AKT3: variants seen among roughly 807,000 people sequenced by gnomAD.
AKT3 encodes AKT serine/threonine kinase 3, also known as RAC-gamma serine/threonine-protein kinase.
Under a neutral mutation model 65.3 loss-of-function variants are expected in AKT3, and 15 were observed. The ratio of observed to expected loss-of-function variants is 0.23; its 90% CI spans 0.15 to 0.35. The LOEUF (loss-of-function observed/expected upper bound fraction) is 0.35. Ranked by LOEUF, AKT3 falls within the 10% of genes least tolerant of loss-of-function variation. The pLI is 1.00. For synonymous variants in AKT3, 206 were observed against 183.8 expected (o/e 1.12, Z -0.98); for missense variants, 243 against 576.5 (o/e 0.42, Z 5.92).
chr1:243,692,501 G>C (rs1391166227), intron 3 of AKT3, among the ~76,000 whole-genome samples: 3 of 152,022 alleles, frequency 2.0e-5, no homozygotes, highest in Non-Finnish European at 4.4e-5. Flanking sequence ...GGGAGGCTAA[G>C]GCAGGTGGAT....
At chr1:243,528,233 T>C (rs1450957248) in intron 12 of AKT3, among the ~76,000 whole-genome samples, 2 of 152,228 alleles carry the variant, frequency 1.3e-5, no homozygotes, top group Non-Finnish European at 2.9e-5. Context: ...CACTCCCTTT[T>C]GGATCATTCC....
chr1:243,756,696 G>C (rs1457684758), intron 2 of AKT3, among the ~76,000 whole-genome samples: 1 of 152,136 alleles, frequency 6.6e-6, no homozygotes, highest in African/African-American at 2.4e-5. Flanking sequence ...AGTTAGGCAA[G>C]AAACATCAAT....
At chr1:243,600,896 G>A (rs1322666374) in intron 8 of AKT3, among the ~76,000 whole-genome samples, 1 of 151,988 alleles carries the variant, frequency 6.6e-6, no homozygotes, top group Admixed American at 6.6e-5. Flanking sequence ...CTTCATACTG[G>A]TTGGAAAGCC....
intron 13 of AKT3, among the ~76,000 whole-genome samples, chr1:243,509,736 C>A (rs1330775534): frequency 1.3e-5 from 2 of 152,022 alleles, no homozygotes; most frequent in Non-Finnish European, 2.9e-5. Flanking sequence ...GGTGCTTGAG[C>A]AGAATTGAAA....
At chr1:243,816,176 T>C (rs997940610) in intron 2 of AKT3, among the ~76,000 whole-genome samples, 3 of 152,188 alleles carry the variant, frequency 2.0e-5, no homozygotes, top group African/African-American at 7.2e-5. Context: ...CTGGTGGGAA[T>C]AGCAGCTTAA....
At chr1:243,760,701 T>G (rs1689439326) in intron 2 of AKT3, among the ~76,000 whole-genome samples, 1 of 152,148 alleles carries the variant, frequency 6.6e-6, no homozygotes, top group African/African-American at 2.4e-5. Context: ...TTTCACAGTA[T>G]TTAGTGCCAT....
chr1:243,755,094 A>C (rs181235139), intron 2 of AKT3, among the ~76,000 whole-genome samples: 2 of 152,154 alleles, frequency 1.3e-5, no homozygotes, highest in African/African-American at 4.8e-5. Flanking sequence ...TTGGAGACAG[A>C]GTCTCGCTGT....
chr1:243,695,577 T>G lies in AKT3; in HGVS notation c.172+14A>C, dbSNP rs1401970330. 8.9e-6 allele frequency: 14 copies of G among 1,571,624 alleles called. No individual in the cohort carries two copies. Among genetic ancestry groups the G allele is most frequent in the Non-Finnish European group, 1.0e-5 (12 of 1,156,006 alleles). ...AATAAATACAAGATGAATCAACAAT[T>G]ATAATTAACTTACTTGCCACTGAAA... On this transcript the variant is annotated intron_variant, in intron 3 of 13. Coordinates refer to ENST00000673466, the MANE Select transcript of AKT3 (RefSeq NM_005465.7).
chr1:243,809,248 A>G (rs1454090782), intron 2 of AKT3, among the ~76,000 whole-genome samples: 2 of 152,228 alleles, frequency 1.3e-5, no homozygotes, highest in Non-Finnish European at 2.9e-5. Context: ...AATTGGATAA[A>G]CAGTCAAGAC....
At chr1:243,846,112 T>G (rs948071272) in intron 1 of AKT3, among the ~76,000 whole-genome samples, 1 of 152,220 alleles carries the variant, frequency 6.6e-6, no homozygotes, top group African/African-American at 2.4e-5. Flanking sequence ...ATAGTTCATG[T>G]CCTCAAAAGT....
intron 10 of AKT3, among the ~76,000 whole-genome samples, chr1:243,555,566 A>C (rs1673354058): frequency 6.6e-6 from 1 of 152,060 alleles, no homozygotes. Flanking sequence ...TAACATATAA[A>C]ATTTACATTT....
At chr1:243,595,140 A>G (rs1468710075) in intron 8 of AKT3, among the ~76,000 whole-genome samples, 5 of 152,242 alleles carry the variant, frequency 3.3e-5, no homozygotes, top group Non-Finnish European at 5.9e-5. Context: ...ACATAAACCT[A>G]AATGGCATAG....
At chr1:243,812,613 G>C (rs533793106) in intron 2 of AKT3, among the ~76,000 whole-genome samples, 4 of 152,262 alleles carry the variant, frequency 2.6e-5, no homozygotes, top group East Asian at 3.9e-4. Flanking sequence ...ACAGTGTGGC[G>C]ATTCCTCAGG....
intron 2 of AKT3, among the ~76,000 whole-genome samples, chr1:243,837,658 T>A (rs970599698): frequency 6.6e-6 from 1 of 152,090 alleles, no homozygotes. Context: ...ACCATTTCAA[T>A]AGAAGCAGTA....
intron 2 of AKT3, among the ~76,000 whole-genome samples, chr1:243,751,586 G>A (rs1294227500): frequency 1.3e-5 from 2 of 152,072 alleles, no homozygotes; most frequent in African/African-American, 4.8e-5. Flanking sequence ...ATGAGGCCCT[G>A]GCAAATCTAG....
At chr1:243,841,618 T>C (rs1388814779) in intron 2 of AKT3, among the ~76,000 whole-genome samples, 4 of 152,178 alleles carry the variant, frequency 2.6e-5, no homozygotes, top group Non-Finnish European at 5.9e-5. Flanking sequence ...GTTAAACATA[T>C]ACTTCTTATA....
At chr1:243,670,815 T>C (rs1683107120) in intron 3 of AKT3, among the ~76,000 whole-genome samples, 1 of 152,180 alleles carries the variant, frequency 6.6e-6, no homozygotes, top group African/African-American at 2.4e-5. Flanking sequence ...AATGTTCTGC[T>C]TACTTTACAC....
chr1:243,834,502 G>A lies in AKT3; in HGVS notation c.46+8623C>T, dbSNP rs1294801872. ...CTCGATGTTTCAAGAACACGCTGAG[G>A]GTGTACTTTGTGTACACATTGAGTA... On this transcript the variant is annotated intron_variant, in intron 2 of 13. Coordinates refer to ENST00000673466, the MANE Select transcript of AKT3 (RefSeq NM_005465.7). 6.6e-5 allele frequency among the ~76,000 whole-genome samples: 10 copies of A among 151,980 alleles called. No homozygotes were observed. In the East Asian group the frequency reaches 1.9e-3, roughly 29 times the overall value.
At chr1:243,701,101 T>G (rs376175448) in intron 2 of AKT3, among the ~76,000 whole-genome samples, 10 of 152,196 alleles carry the variant, frequency 6.6e-5, no homozygotes, top group African/African-American at 2.4e-4. Flanking sequence ...TTTAAAAGCT[T>G]AAGTCGTAAG....
Sources: gnomAD v4.1 joint callset for allele counts (sites outside exome capture counted in the v4.1 genomes callset) on GRCh38, gnomAD v4.1.1 for gene constraint, MANE v1.5 for transcripts, NCBI Gene and HGNC (gene_info 2026-07-23, HGNC 2026-07-21) for gene names.